The following CD163L1 variants were observed in gnomAD, a reference collection of about 807,000 sequenced individuals.
The protein encoded by CD163L1 is scavenger receptor cysteine-rich type 1 protein M160.
Under a neutral mutation model 165.4 loss-of-function variants are expected in CD163L1, and 124 were observed. The observed-to-expected ratio is 0.75, with a 90% CI of 0.65 to 0.87. The LOEUF (loss-of-function observed/expected upper bound fraction) is 0.87, where lower values mean the gene tolerates loss of function less well. Ranked by LOEUF, CD163L1 falls within the 40% of genes least tolerant of loss-of-function variation. The pLI, the probability that CD163L1 is intolerant of heterozygous loss-of-function variation, is 0.00. For missense variants in CD163L1, 1,525 were observed against 1,799.9 expected, an observed-to-expected ratio of 0.85 and a Z score of 2.76; for synonymous variants, 585 against 662.2, an observed-to-expected ratio of 0.88 and a Z score of 1.79.
chr12:7,320,306 T>C, the CD163L1 span, among the ~76,000 whole-genome samples: 1 of 152,234 alleles, frequency 6.6e-6, no homozygotes, highest in Non-Finnish European at 1.5e-5. Context: ...ATGTATTTTA[T>C]AGGAATGGAG....
chr12:7,391,225 C>T lies in CD163L1; in HGVS notation c.2050+4870G>A, dbSNP rs952084153. ...AACCTCATCTGTAGGTCACCAACAT[C>T]GAAGACCAAAGGTAGATAAAACTGC... On this transcript the variant is annotated intron_variant, in intron 8 of 19. Transcript: ENST00000313599. Among the ~76,000 whole-genome samples, 6 of 152,202 alleles carry T rather than the reference C, an allele frequency of 3.9e-5. No homozygotes were observed. In the South Asian group the frequency reaches 1.0e-3, roughly 26 times the overall value.
At chr12:7,392,460 C>T (rs754417456) in intron 8 of CD163L1, among the ~76,000 whole-genome samples, 3 of 152,034 alleles carry the variant, frequency 2.0e-5, no homozygotes, top group East Asian at 1.9e-4. Flanking sequence ...TAAATGCCCA[C>T]AAGAGAAAGC....
At chr12:7,424,288 TAAAAAAAAA>T (rs140177404) in intron 4 of CD163L1, among the ~76,000 whole-genome samples, 4 of 146,638 alleles carry the variant, frequency 2.7e-5, no homozygotes, top group Non-Finnish European at 4.5e-5. Context: ...CCCTTCATGG[TAAAAAAAAA>T]AAAAACTCTC....
chr12:7,351,366 A>G (rs1946705785), downstream of CD163L1, among the ~76,000 whole-genome samples: 2 of 152,146 alleles, frequency 1.3e-5, no homozygotes, highest in African/African-American at 4.8e-5. Context: ...TAGAGGTTGG[A>G]AAGTCCAAGA....
intron 1 of CD163L1, among the ~76,000 whole-genome samples, chr12:7,442,749 A>C (rs769901693): frequency 9.9e-4 from 151 of 152,284 alleles, no homozygotes; most frequent in African/African-American, 3.5e-3. Context: ...GGATTATCCT[A>C]GGAGGCCATT....
intron 4 of CD163L1, among the ~76,000 whole-genome samples, chr12:7,429,399 G>A (rs1206417935): frequency 6.6e-6 from 1 of 151,884 alleles, no homozygotes; most frequent in African/African-American, 2.4e-5. Context: ...AATTGCAAAG[G>A]CCTCAAGCAC....
chr12:7,367,104 T>C, intron 18 of CD163L1, 132 bp downstream of exon 18: 1 of 452,746 alleles, frequency 2.2e-6, no homozygotes, highest in Non-Finnish European at 4.0e-6. Flanking sequence ...TATTCCCCGT[T>C]TGTTTCCCTT....
chr12:7,435,015 G>C (rs1948696661), intron 2 of CD163L1, among the ~76,000 whole-genome samples: 1 of 152,030 alleles, frequency 6.6e-6, no homozygotes, highest in African/African-American at 2.4e-5. Context: ...AAATGTGTGT[G>C]AGGGGCATTC....
At position 7,379,069 on chromosome 12, in the gene CD163L1, A is replaced by G; in HGVS notation, c.2280T>C (p.Thr760=). ...AATCCCAGAGAGAGGCTTCCCCTCC[A>G]GTGCAGCCAGAATTCGACATTAAGA... ...LHILMSNSGC[T]GGEASLWDCI... The change falls in exon 9 of 20, where the codon ACT becomes ACC. Residue 760 remains threonine, a synonymous_variant. Transcript: ENST00000313599. The G allele has an allele frequency of 6.2e-7, 1 of 1,614,156 alleles. No individual in the cohort carries two copies. The highest frequency in any genetic ancestry group is 8.5e-7 in the Non-Finnish European group (1 of 1,179,986).
the CD163L1 span, among the ~76,000 whole-genome samples, chr12:7,340,384 T>C: frequency 3.9e-5 from 6 of 152,292 alleles, no homozygotes; most frequent in Non-Finnish European, 7.4e-5. Context: ...TATATGATGA[T>C]TTCAATTGTA....
At chr12:7,402,653 C>G (rs1013689196) in intron 6 of CD163L1, among the ~76,000 whole-genome samples, 2 of 147,818 alleles carry the variant, frequency 1.4e-5, no homozygotes, top group Non-Finnish European at 3.0e-5. Flanking sequence ...TTTTTTTTAA[C>G]AAGATGAGGT....
rs748501347 is a variant in CD163L1 at position 7,400,614 on chromosome 12, C to T, written c.1409-2030G>A. On this transcript the variant is annotated intron_variant, in intron 6 of 19. Transcript: ENST00000313599. The surrounding 1 kb of genome is among the most constrained non-coding windows in gnomAD (Gnocchi z 4.1). ...CACCTTACAGTCTCTATCTCCTGGG[C>T]TCAAGTGATATTCCTGCCTCAGCCT... Among the ~76,000 whole-genome samples, 3 of 152,204 alleles carry T rather than the reference C, an allele frequency of 2.0e-5. No homozygotes were observed. The highest frequency in any genetic ancestry group is 4.1e-4 in the South Asian group (2 of 4,828).
intron 13 of CD163L1, 23 bp from the exon 14 acceptor site, chr12:7,373,663 G>T: frequency 6.5e-7 from 1 of 1,530,888 alleles, no homozygotes; most frequent in African/African-American, 1.4e-5. Flanking sequence ...ACAAAACTTA[G>T]TATTAAATAT....
intron 19 of CD163L1, among the ~76,000 whole-genome samples, chr12:7,356,842 G>A (rs1301885760): frequency 3.9e-5 from 6 of 152,008 alleles, no homozygotes; most frequent in Admixed American, 6.6e-5. Flanking sequence ...ATTATATAAC[G>A]AGTGCTTGTT....
intron 4 of CD163L1, among the ~76,000 whole-genome samples, chr12:7,407,603 T>C (rs772353570): frequency 1.3e-5 from 2 of 151,254 alleles, no homozygotes; most frequent in Admixed American, 6.6e-5. Flanking sequence ...CTAAGTGATA[T>C]AAAGAAATAA....
At chr12:7,319,968 G>A in the CD163L1 span, among the ~76,000 whole-genome samples, 11 of 152,220 alleles carry the variant, frequency 7.2e-5, no homozygotes, top group East Asian at 3.9e-4. Context: ...TAGACTCTGC[G>A]GAGCAGATAC....
At chr12:7,439,587 C>G (rs1359395338) in intron 2 of CD163L1, 8 of 1,588,800 alleles carry the variant, frequency 5.0e-6, no homozygotes, top group African/African-American at 1.4e-5. Context: ...TATCAGAGTT[C>G]GCCTCAAATA....
chr12:7,379,436 AATTTT>A, intron 8 of CD163L1, 138 bp from the exon 9 acceptor site: 1 of 775,948 alleles, frequency 1.3e-6, no homozygotes. Context: ...ACCAGTGTTT[AATTTT>A]ATTTTTTACT....
At chr12:7,343,979 G>C (rs1946653134), downstream of CD163L1, among the ~76,000 whole-genome samples, 1 of 152,170 alleles carries the variant, frequency 6.6e-6, no homozygotes, top group Non-Finnish European at 1.5e-5. Flanking sequence ...GGGGTACACA[G>C]TGGGTAAACA....
Sources: allele counts gnomAD v4.1 joint callset (sites outside exome capture counted in the v4.1 genomes callset), GRCh38; gene constraint gnomAD v4.1.1; non-coding constraint Gnocchi (gnomAD v3.1); transcripts MANE v1.5; gene names NCBI Gene and HGNC (gene_info 2026-07-23, HGNC 2026-07-21).